The following VWA5B1 variants were observed in gnomAD, a reference collection of about 807,000 sequenced individuals.
The protein encoded by VWA5B1 is von Willebrand factor A domain containing 5B1.
VWA5B1 carries 115 observed loss-of-function variants against 118.2 expected under a neutral mutation model. The observed-to-expected ratio is 0.97, with a 90% confidence interval of 0.84 to 1.14. The LOEUF is 1.14. Ranked by LOEUF, VWA5B1 falls within the 50% of genes most tolerant of loss-of-function variation. The probability of loss-of-function intolerance (pLI) is 0.00; values close to 1 mark genes in which losing one functional copy is unlikely to be tolerated. For missense variants in VWA5B1, 1,596 were observed against 1,603.8 expected (o/e 1.00, Z 0.08); for synonymous variants, 682 against 658.4 (o/e 1.04, Z -0.55).
At position 20,355,752 on chromosome 1, in the gene VWA5B1, G is replaced by A. The variant is rs944721318; in HGVS notation, c.*1489G>A. On this transcript the variant is annotated 3_prime_UTR_variant, in exon 22 of 22. Coordinates refer to ENST00000289815, the MANE Select transcript of VWA5B1 (RefSeq NM_001039500.3). The stretch of plus-strand genomic sequence containing the variant: ...GGAGGCTCCAGCAGAACGCCCACTG[G>A]GCACAAGGGGAGAAAAAGCAGCCCC... 6.6e-6 allele frequency among the ~76,000 whole-genome samples: 1 copy of A among 152,246 alleles called. No individual in the cohort carries two copies. The highest frequency in any genetic ancestry group is 1.5e-5 in the Non-Finnish European group (1 of 68,032).
In VWA5B1 at chr1:20,327,962, T is replaced by C. The variant is rs1325299350; in HGVS notation, c.1216T>C (p.Phe406Leu). 3.2e-6 allele frequency: 5 copies of C among 1,551,390 alleles called. No homozygotes were observed. The highest frequency in any genetic ancestry group is 2.0e-5 in the Admixed American group (1 of 50,948). ...LFNIIGFGSTFKSLFPSSQTY... is the reference protein window; with the variant it reads ...LFNIIGFGSTLKSLFPSSQTY... ...CAATATCATTGGGTTTGGATCCACA[T>C]TTAAGAGCCTTTTTCCTTCCAGCCA... Residue 406 changes from phenylalanine to leucine, a missense_variant, in exon 9 of 22, where the codon TTT (phenylalanine) becomes CTT (leucine). Phe to Leu is a conservative substitution (Grantham distance 22). Transcript: ENST00000289815.
intron 15 of VWA5B1, 53 bp downstream of exon 15, chr1:20,342,662 CTGT>C: frequency 6.9e-7 from 1 of 1,439,156 alleles, no homozygotes; most frequent in Middle Eastern, 1.8e-4. Context: ...GAATCACTGG[CTGT>C]TGTTCAACTT....
At chr1:20,339,706 G>A (rs945628381) in intron 14 of VWA5B1, among the ~76,000 whole-genome samples, 3 of 147,848 alleles carry the variant, frequency 2.0e-5, no homozygotes, top group Non-Finnish European at 4.5e-5. Flanking sequence ...ACATAAGCCC[G>A]CTCTCTAAGG....
Position 20,343,293 on chromosome 1 carries a change from G to C in VWA5B1, c.2526G>C (p.Gln842His). Reference sequence around the variant, plus strand: ...CTGGACCGGAGCGGGGCGGCGCGCAGGATGCCGACCTATGGAGCGAGACCT... The same window carrying C: ...CTGGACCGGAGCGGGGCGGCGCGCACGATGCCGACCTATGGAGCGAGACCT... ...GTPGPERGGA[Q>H]DADLWSETFH... Residue 842 changes from glutamine to histidine, a missense_variant, in exon 16 of 22, where the codon CAG becomes CAC. Transcript: ENST00000289815. 2 of 1,547,650 alleles carry C rather than the reference G, an allele frequency of 1.3e-6. No individual in the cohort carries two copies. Among genetic ancestry groups the C allele is most frequent in the Non-Finnish European group, 1.7e-6 (2 of 1,146,708 alleles).
rs1190118109 is a variant in VWA5B1, at chr1:20,343,368, G to A, written c.2601G>A (p.Ala867=). 13 of 1,535,834 alleles carry A rather than the reference G, an allele frequency of 8.5e-6. No individual in the cohort carries two copies. Among genetic ancestry groups the A allele is most frequent in the African/African-American group, 1.4e-5 (1 of 72,888 alleles). Residue 867 remains alanine (A), a synonymous_variant, in exon 16 of 22, where the codon GCG becomes GCA. Transcript: ENST00000289815. ...RAIIRDFEQL[A]EREGEIEQGS... ...TCATCCGCGACTTCGAGCAGCTGGCGGAGCGCGAGGGCGAGATCGAGCAGG... is the reference window on the plus strand; with the variant it reads ...TCATCCGCGACTTCGAGCAGCTGGCAGAGCGCGAGGGCGAGATCGAGCAGG...
rs993066512 is a variant in VWA5B1 at position 20,330,390 on chromosome 1, T to C, written c.1457+8T>C. ...TCACGCCTTCTCCACCAGGTCGGCC[T>C]TGGCTGAGGGTCTAGGCTCGGTGAC... On this transcript the variant is annotated splice_region_variant and intron_variant, in intron 10 of 21. Transcript: ENST00000289815. 62 of 1,551,444 alleles carry C rather than the reference T, an allele frequency of 4.0e-5. No individual in the cohort carries two copies. Among genetic ancestry groups the C allele is most frequent in the Middle Eastern group, 3.4e-4 (2 of 5,950 alleles).
chr1:20,314,635 A>G, intron 4 of VWA5B1, 43 bp downstream of exon 4: 3 of 1,540,556 alleles, frequency 1.9e-6, no homozygotes, highest in Non-Finnish European at 2.6e-6. Context: ...CCAGGTGGGC[A>G]GCAGAGAGTG....
rs1276273737 is a variant in VWA5B1 at position 20,355,266 on chromosome 1, G to T, written c.*1003G>T. On this transcript the variant is annotated 3_prime_UTR_variant, in exon 22 of 22. Coordinates refer to ENST00000289815, the MANE Select transcript of VWA5B1 (RefSeq NM_001039500.3). ...CAGTGCCTTTGGGGATGGCAGCTCT[G>T]GCCAGGGGAGGCCTGATTTGTTTGG... 6.6e-6 allele frequency among the ~76,000 whole-genome samples: 1 copy of T among 152,216 alleles called. No homozygotes were observed. The highest frequency in any genetic ancestry group is 1.5e-5 in the Non-Finnish European group (1 of 68,038).
chr1:20,355,592 G>A lies in VWA5B1; in HGVS notation c.*1329G>A, dbSNP rs1472258104. ...CCCAACCTTGGAGTGAAGCTCCACA[G>A]ACTTCCCTCGTGGGAAGGCCTTGGA... On this transcript the variant is annotated 3_prime_UTR_variant, in exon 22 of 22. Transcript: ENST00000289815. Among the ~76,000 whole-genome samples, 1 of 152,202 alleles carries A rather than the reference G, an allele frequency of 6.6e-6. No homozygotes were observed. The highest frequency in any genetic ancestry group is 1.5e-5 in the Non-Finnish European group (1 of 68,032).
intron 12 of VWA5B1, among the ~76,000 whole-genome samples, chr1:20,334,101 G>A (rs995115708): frequency 6.6e-6 from 1 of 152,226 alleles, no homozygotes; most frequent in African/African-American, 2.4e-5. Context: ...CCATCATGCA[G>A]AAATGTGAGC....
At chr1:20,351,129 C>A (rs1321413275) in intron 20 of VWA5B1, among the ~76,000 whole-genome samples, 1 of 152,186 alleles carries the variant, frequency 6.6e-6, no homozygotes, top group Non-Finnish European at 1.5e-5. Flanking sequence ...ACTTTATCTC[C>A]CACACTTCCA....
chr1:20,328,653 A>G (rs960384340), intron 9 of VWA5B1, among the ~76,000 whole-genome samples: 4 of 152,216 alleles, frequency 2.6e-5, no homozygotes, highest in Non-Finnish European at 5.9e-5. Context: ...TGCGCTTGTA[A>G]TCTCAGCTAC....
In VWA5B1 at chr1:20,354,094, G is replaced by A. The variant is rs1021477448; in HGVS notation, c.3479G>A (p.Trp1160Ter). The A allele has an allele frequency of 6.4e-7, 1 of 1,551,466 alleles. No individual in the cohort carries two copies. Among genetic ancestry groups the A allele is most frequent in the Non-Finnish European group, 8.7e-7 (1 of 1,146,996 alleles). ...EHSSASYFTE[W>*]ELVAAKANSW... Reference sequence around the variant, plus strand: ...AGTTCGGCCTCCTACTTCACTGAGTGGGAGTTGGTGGCTGCCAAGGCCAAC... The same window carrying A: ...AGTTCGGCCTCCTACTTCACTGAGTAGGAGTTGGTGGCTGCCAAGGCCAAC... The change falls in exon 22 of 22, where the codon TGG (tryptophan) becomes TAG (stop). Residue 1160 changes from tryptophan (W) to a stop codon, truncating the protein, a stop_gained. Transcript: ENST00000289815. LOFTEE classifies it high-confidence loss of function.
At chr1:20,323,287 A>G (rs932050017) in intron 7 of VWA5B1, 69 bp from the exon 8 acceptor site, 50 of 1,323,474 alleles carry the variant, frequency 3.8e-5, no homozygotes, top group Non-Finnish European at 4.9e-5. Context: ...AGTGACGGGG[A>G]CCAGCATGAG....
chr1:20,314,779 G>A (rs1420907165), intron 4 of VWA5B1, among the ~76,000 whole-genome samples, 187 bp downstream of exon 4: 2 of 152,030 alleles, frequency 1.3e-5, no homozygotes, highest in East Asian at 3.9e-4. Flanking sequence ...AAGTATCCCT[G>A]AAATGCCCCT....
chr1:20,326,161 G>A (rs2089372815), intron 8 of VWA5B1, among the ~76,000 whole-genome samples: 1 of 152,192 alleles, frequency 6.6e-6, no homozygotes, highest in Admixed American at 6.5e-5. Context: ...CAAATGTATT[G>A]ACGCAAGCAA....
intron 9 of VWA5B1, 117 bp from the exon 10 acceptor site, chr1:20,330,063 C>A: frequency 1.7e-6 from 2 of 1,169,072 alleles, no homozygotes; most frequent in East Asian, 2.6e-5. Flanking sequence ...AAATTGGGAG[C>A]ATGGGTCAAC....
rs1446681553 is a variant in VWA5B1, at chr1:20,328,694, G to C, written c.1254+694G>C. 3.3e-5 allele frequency among the ~76,000 whole-genome samples: 5 copies of C among 152,338 alleles called. No homozygotes were observed. In the East Asian group the frequency reaches 5.8e-4, roughly 18 times the overall value. On this transcript the variant is annotated intron_variant, in intron 9 of 21. Transcript: ENST00000289815. ...AGGTTGAGATGGGAGGGTCGCTTGA[G>C]CCTAGGAGCTTTGACTCCAGCCTGG...
chr1:20,331,051 C>A, intron 11 of VWA5B1, 68 bp downstream of exon 11: 1 of 1,340,962 alleles, frequency 7.5e-7, no homozygotes, highest in Non-Finnish European at 1.0e-6. Flanking sequence ...AGTCACATGG[C>A]AACTCAGTGG....
Sources: allele counts gnomAD v4.1 joint callset (sites outside exome capture counted in the v4.1 genomes callset), GRCh38; gene constraint gnomAD v4.1.1; transcripts MANE v1.5; gene names NCBI Gene and HGNC (gene_info 2026-07-23, HGNC 2026-07-21).